Variants in PLEKHA7 observed in about 807,000 individuals in gnomAD.
PLEKHA7 encodes pleckstrin homology domain-containing family A member 7.
Under a neutral mutation model 170.0 loss-of-function variants are expected in PLEKHA7, and 104 were observed. That is an observed-to-expected ratio of 0.61 (90% CI 0.52 to 0.72). The LOEUF is 0.72. Ranked by LOEUF, PLEKHA7 falls within the 30% of genes least tolerant of loss-of-function variation. The probability of loss-of-function intolerance (pLI) is 0.00; values close to 1 mark genes in which losing one functional copy is unlikely to be tolerated. For missense variants in PLEKHA7, 1,615 were observed against 1,671.7 expected (o/e 0.97, Z 0.59); for synonymous variants, 648 against 660.8 (o/e 0.98, Z 0.30).
At chr11:16,931,762 C>CA (rs1291352100) in intron 3 of PLEKHA7, among the ~76,000 whole-genome samples, 1 of 146,344 alleles carries the variant, frequency 6.8e-6, no homozygotes, top group African/African-American at 2.6e-5. Flanking sequence ...CCATCCCCCC[C>CA]CCCCCAAAAA....
chr11:16,886,598 C>T (rs1336974641), intron 3 of PLEKHA7, among the ~76,000 whole-genome samples: 2 of 151,690 alleles, frequency 1.3e-5, no homozygotes, highest in East Asian at 3.9e-4. Flanking sequence ...GTAATCTCAT[C>T]TACTCAGGAG....
At chr11:16,954,106 G>C (rs1460393049) in intron 3 of PLEKHA7, among the ~76,000 whole-genome samples, 1 of 151,988 alleles carries the variant, frequency 6.6e-6, no homozygotes, top group Non-Finnish European at 1.5e-5. Flanking sequence ...AAGGCAAGAG[G>C]GATTTGTAGG....
chr11:16,996,575 C>G (rs1320963808), intron 3 of PLEKHA7, among the ~76,000 whole-genome samples: 2 of 152,222 alleles, frequency 1.3e-5, no homozygotes, highest in Non-Finnish European at 2.9e-5. Flanking sequence ...GGAAGGAAGT[C>G]AACAGCTTAC....
chr11:16,968,140 AG>A (rs2136683861), intron 3 of PLEKHA7, among the ~76,000 whole-genome samples: 1 of 152,324 alleles, frequency 6.6e-6, no homozygotes, highest in South Asian at 2.1e-4. Context: ...GAAGTCATCT[AG>A]GTGTCAAAGG....
chr11:16,801,946 C>G, intron 15 of PLEKHA7, 129 bp from the exon 16 acceptor site: 1 of 1,166,350 alleles, frequency 8.6e-7, no homozygotes, highest in Non-Finnish European at 1.2e-6. Context: ...GATGTGGGCC[C>G]ACAGTCGGGG....
At chr11:16,957,689 A>ATATTTTTTTTTT (rs1420004461) in intron 3 of PLEKHA7, among the ~76,000 whole-genome samples, 1 of 118,226 alleles carries the variant, frequency 8.5e-6, no homozygotes, top group Non-Finnish European at 1.8e-5. Context: ...TACCTCAATA[A>ATATTTTTTTTTT]TTTTTTTCTT....
intron 23 of PLEKHA7, chr11:16,786,819 A>G (rs1044136658): frequency 2.0e-6 from 2 of 985,296 alleles, no homozygotes; most frequent in Non-Finnish European, 2.4e-6. Context: ...CCTGCTAAGC[A>G]AGAAGAATAA....
intron 3 of PLEKHA7, among the ~76,000 whole-genome samples, chr11:16,954,780 TC>T (rs1417176299): frequency 6.6e-6 from 1 of 151,656 alleles, no homozygotes; most frequent in Non-Finnish European, 1.5e-5. Flanking sequence ...AACCTCCGCC[TC>T]CCAGGTTCAA....
intron 3 of PLEKHA7, among the ~76,000 whole-genome samples, chr11:16,911,270 G>A (rs997866684): frequency 6.6e-6 from 1 of 152,172 alleles, no homozygotes; most frequent in African/African-American, 2.4e-5. Context: ...AACTACAGGG[G>A]TTCTCTCAAG....
chr11:16,999,182 T>A (rs572424596), intron 3 of PLEKHA7, among the ~76,000 whole-genome samples: 3 of 152,078 alleles, frequency 2.0e-5, no homozygotes, highest in East Asian at 3.9e-4. Context: ...ATGTCAGACA[T>A]CTCTATGACT....
chr11:16,968,878 A>G (rs183729419), intron 3 of PLEKHA7, among the ~76,000 whole-genome samples: 82 of 152,274 alleles, frequency 5.4e-4, no homozygotes, highest in South Asian at 1.5e-3. Context: ...CGGATCTACT[A>G]CTGCTTTCTC....
chr11:16,912,820 G>T (rs976519613), intron 3 of PLEKHA7, among the ~76,000 whole-genome samples: 22 of 152,234 alleles, frequency 1.4e-4, no homozygotes, highest in African/African-American at 5.3e-4. Context: ...GTGCTGCAAG[G>T]ACTCAATTCC....
At chr11:16,820,837 A>G (rs1396311326) in intron 10 of PLEKHA7, among the ~76,000 whole-genome samples, 1 of 152,140 alleles carries the variant, frequency 6.6e-6, no homozygotes, top group Admixed American at 6.5e-5. Flanking sequence ...ATAGTCTGCC[A>G]TTCTGGAATG....
chr11:16,943,903 T>C (rs1455142683), intron 3 of PLEKHA7, among the ~76,000 whole-genome samples: 2 of 152,178 alleles, frequency 1.3e-5, no homozygotes, highest in African/African-American at 2.4e-5. Flanking sequence ...GAGGCACTTA[T>C]TTAAAATACA....
intron 3 of PLEKHA7, among the ~76,000 whole-genome samples, chr11:16,877,113 C>T (rs1272227391): frequency 6.6e-6 from 1 of 152,194 alleles, no homozygotes; most frequent in African/African-American, 2.4e-5. Flanking sequence ...TAAAGATCTT[C>T]TCATTGGTAT....
chr11:16,831,888 G>GC (rs1380346227), intron 9 of PLEKHA7, among the ~76,000 whole-genome samples: 1 of 152,116 alleles, frequency 6.6e-6, no homozygotes, highest in Non-Finnish European at 1.5e-5. Flanking sequence ...CTCCTCCCTT[G>GC]CCCCAATTTT....
intron 3 of PLEKHA7, among the ~76,000 whole-genome samples, chr11:16,977,384 C>T (rs1565173465): frequency 1.3e-5 from 2 of 152,098 alleles, no homozygotes; most frequent in Non-Finnish European, 1.5e-5. Flanking sequence ...CACACGTCTC[C>T]CTCCTCAATG....
At chr11:17,003,273 G>A (rs1011466276) in intron 3 of PLEKHA7, among the ~76,000 whole-genome samples, 1 of 152,270 alleles carries the variant, frequency 6.6e-6, no homozygotes, top group Non-Finnish European at 1.5e-5. Flanking sequence ...TTACACATGT[G>A]AGCCACCACA....
chr11:16,968,308 T>G (rs901779832), intron 3 of PLEKHA7, among the ~76,000 whole-genome samples: 11 of 152,190 alleles, frequency 7.2e-5, no homozygotes, highest in Non-Finnish European at 1.3e-4. Flanking sequence ...CAGAGACTCA[T>G]GCACAGCACA....
Sources: gnomAD v4.1 joint callset for allele counts (sites outside exome capture counted in the v4.1 genomes callset) on GRCh38, gnomAD v4.1.1 for gene constraint, MANE v1.5 for transcripts, NCBI Gene and HGNC (gene_info 2026-07-23, HGNC 2026-07-21) for gene names.